SFXN4: variants seen among roughly 807,000 people sequenced by gnomAD.
SFXN4 encodes the protein sideroflexin-4.
In SFXN4, 48 loss-of-function variants were observed where a neutral mutation model predicts 54.6. The ratio of observed to expected loss-of-function variants is 0.88; its 90% CI spans 0.70 to 1.12. The LOEUF is 1.12. SFXN4 is among the 50% of genes most tolerant of loss of function. The probability of loss-of-function intolerance (pLI) is 0.00; values close to 1 mark genes in which losing one functional copy is unlikely to be tolerated. For synonymous variants in SFXN4, 130 were observed against 145.5 expected (o/e 0.89, Z 0.77); for missense variants, 383 against 409.2 (o/e 0.94, Z 0.55).
intron 13 of SFXN4, among the ~76,000 whole-genome samples, chr10:119,143,808 G>A (rs1256798316): frequency 6.6e-6 from 1 of 152,046 alleles, no homozygotes. Flanking sequence ...TAGAGACGAG[G>A]TCTCACTACA....
intron 5 of SFXN4, among the ~76,000 whole-genome samples, 197 bp downstream of exon 5, chr10:119,160,718 C>T (rs1034090765): frequency 6.6e-6 from 1 of 151,624 alleles, no homozygotes; most frequent in African/African-American, 2.4e-5. Context: ...GCCTCAGCCT[C>T]CTGAGTAACT....
intron 13 of SFXN4, among the ~76,000 whole-genome samples, chr10:119,141,883 T>G (rs1040106090): frequency 6.6e-6 from 1 of 152,036 alleles, no homozygotes; most frequent in Non-Finnish European, 1.5e-5. Flanking sequence ...CTGGGTGTGG[T>G]GGCACACACC....
intron 13 of SFXN4, 145 bp from the exon 14 acceptor site, chr10:119,141,464 ATTT>A (rs34287145): frequency 2.0e-3 from 634 of 322,664 alleles, no homozygotes; most frequent in East Asian, 2.9e-3. Context: ...AATGTAACCT[ATTT>A]TTTTTTTTAA....
intron 13 of SFXN4, among the ~76,000 whole-genome samples, chr10:119,142,243 A>G (rs1232596449): frequency 1.3e-5 from 2 of 152,028 alleles, no homozygotes; most frequent in Non-Finnish European, 2.9e-5. Flanking sequence ...AAGGAATGTA[A>G]TGAACTCACA....
chr10:119,162,512 G>T, intron 2 of SFXN4, 98 bp from the exon 3 acceptor site: 1 of 904,982 alleles, frequency 1.1e-6, no homozygotes, highest in Non-Finnish European at 1.8e-6. Context: ...GCATGCACTG[G>T]ACTTCGACTG....
At chr10:119,160,014 C>A (rs1238990213) in intron 5 of SFXN4, among the ~76,000 whole-genome samples, 1 of 151,712 alleles carries the variant, frequency 6.6e-6, no homozygotes, top group Non-Finnish European at 1.5e-5. Context: ...GAGACCCCCA[C>A]CTCCATAAAA....
intron 6 of SFXN4, 29 bp from the exon 7 acceptor site, chr10:119,158,091 C>T (rs1168416498): frequency 3.7e-6 from 6 of 1,608,186 alleles, no homozygotes; most frequent in Non-Finnish European, 5.1e-6. Context: ...AACAGAGTTA[C>T]AAGTGTTGCT....
intron 3 of SFXN4, among the ~76,000 whole-genome samples, chr10:119,161,490 C>T (rs948485303): frequency 1.3e-5 from 2 of 150,458 alleles, no homozygotes; most frequent in Non-Finnish European, 3.0e-5. Flanking sequence ...AATTTCTTTG[C>T]CTGTCTCATT....
At chr10:119,162,833 T>C (rs1847613537) in intron 2 of SFXN4, among the ~76,000 whole-genome samples, 1 of 152,220 alleles carries the variant, frequency 6.6e-6, no homozygotes, top group Admixed American at 6.6e-5. Flanking sequence ...TCTCACTCTG[T>C]TGCCCAGGCT....
In SFXN4 at chr10:119,154,953, C is replaced by T. The variant is rs773167558; in HGVS notation, c.732+109G>A. On this transcript the variant is annotated intron_variant, in intron 11 of 13. Coordinates refer to ENST00000355697, the MANE Select transcript of SFXN4 (RefSeq NM_213649.2). ...TCTCTCTCAGCATGCTAAGGAAAGA[C>T]GGGTAAAGAAAGGTTGAAGGCAGAC... 113 of 712,824 alleles carry T rather than the reference C, an allele frequency of 1.6e-4. No homozygotes were observed. In the Middle Eastern group the frequency reaches 2.6e-3, roughly 16 times the overall value. 44.2% of individuals were successfully genotyped at this position (712,824 alleles called of 1,614,324 possible).
intron 11 of SFXN4, among the ~76,000 whole-genome samples, chr10:119,150,519 T>A (rs1847022075): frequency 6.7e-6 from 1 of 148,746 alleles, no homozygotes; most frequent in African/African-American, 2.5e-5. Context: ...TCTACAAACT[T>A]TTTTTTTTTA....
In SFXN4 at chr10:119,159,639, G is replaced by T. The variant is rs547359763; in HGVS notation, c.360+89C>A. ...TCAGGCAGTCATGTGACAGGGGTCCGGAGCTGGAGGGACACAGCTGAGGTT... is the reference window on the plus strand; with the variant it reads ...TCAGGCAGTCATGTGACAGGGGTCCTGAGCTGGAGGGACACAGCTGAGGTT... On this transcript the variant is annotated intron_variant, in intron 6 of 13. Coordinates refer to ENST00000355697, the MANE Select transcript of SFXN4 (RefSeq NM_213649.2). 2.9e-6 allele frequency: 4 copies of T among 1,377,716 alleles called. No individual in the cohort carries two copies. In the South Asian group the frequency reaches 3.5e-5, roughly 12 times the overall value. 85.3% of individuals were successfully genotyped at this position (1,377,716 alleles called of 1,614,324 possible). A position where few individuals can be genotyped will look rare whatever the true frequency, so the allele number is the denominator to read the frequency against.
chr10:119,141,289 G>A lies in SFXN4; in HGVS notation c.967C>T (p.Gln323Ter), dbSNP rs1309261873. The change falls in exon 14 of 14, where the codon CAG (glutamine) becomes TAG (stop). Residue 323 changes from glutamine to a stop codon, truncating the protein, a stop_gained. Transcript: ENST00000355697. LOFTEE classifies it high-confidence loss of function. ...ATTTCTGTTTCTTCTGTTGGAGACT[G>A]AATTTTCTCTTCAAGACTACAGTAC... Reference protein sequence around the residue: ...IQYCSLEEKIQSPTEETEIFY... With the variant: ...IQYCSLEEKI 1 of 1,610,672 alleles carries A rather than the reference G, an allele frequency of 6.2e-7. No individual in the cohort carries two copies. The highest frequency in any genetic ancestry group is 8.5e-7 in the Non-Finnish European group (1 of 1,177,042).
chr10:119,165,532 C>A lies in SFXN4; in HGVS notation c.111+5G>T. The A allele has an allele frequency of 6.3e-7, 1 of 1,579,062 alleles. No individual in the cohort carries two copies. Among genetic ancestry groups the A allele is most frequent in the Non-Finnish European group, 8.6e-7 (1 of 1,167,310 alleles). On this transcript the variant is annotated splice_donor_5th_base_variant and intron_variant, in intron 1 of 13. Coordinates refer to ENST00000355697, the MANE Select transcript of SFXN4 (RefSeq NM_213649.2). ...GCCCCTAGTCGCGCCGGGCCCGGGC[C>A]GTACTTGGCGCTCGGTGATCCAGAA...
rs1554885844 is a variant in SFXN4 at position 119,146,463 on chromosome 10, A to ACG, written c.819-112_819-111dup. Reference sequence around the variant, plus strand: ...TGTGTGTGTGTGTGTGTGTGTGTGCACGTGTGTGTGTACCTGAACACCTGG... The same window carrying ACG: ...TGTGTGTGTGTGTGTGTGTGTGTGCACGCGTGTGTGTGTACCTGAACACCTGG... On this transcript the variant is annotated intron_variant, in intron 12 of 13. Transcript: ENST00000355697. The ACG allele has an allele frequency of 2.0e-4, 108 of 528,832 alleles. 1 individual carries two copies. Among genetic ancestry groups the ACG allele is most frequent in the South Asian group, 9.8e-4 (36 of 36,722 alleles). The allele number at this position is 528,832 out of a possible 1,614,324, so 32.8% of individuals were successfully genotyped here.
chr10:119,155,275 T>G (rs1847236355), intron 10 of SFXN4, 98 bp from the exon 11 acceptor site: 1 of 822,390 alleles, frequency 1.2e-6, no homozygotes, highest in Middle Eastern at 2.3e-4. Context: ...CAAGCCTCTT[T>G]CTCTGACAGC....
chr10:119,150,159 T>A (rs201359994), intron 11 of SFXN4, among the ~76,000 whole-genome samples: 1 of 146,680 alleles, frequency 6.8e-6, no homozygotes, highest in African/African-American at 2.5e-5. Flanking sequence ...TTTTTTTTTT[T>A]AAAGTAGACC....
rs1220789441 is a variant in SFXN4, at chr10:119,142,713, G to A, written c.937-1394C>T. ...CTACAGGCACCCGCCACCACGTCCA[G>A]CTAATGTTTTGAATTTTTTTTTTTT... On this transcript the variant is annotated intron_variant, in intron 13 of 13. Transcript: ENST00000355697. Among the ~76,000 whole-genome samples the A allele has an allele frequency of 4.2e-5, 6 of 143,008 alleles. No homozygotes were observed. The East Asian group carries it at 1.2e-3, about 30-fold the overall frequency. The allele number at this position is 143,008 out of a possible 152,430, so 93.8% of individuals were successfully genotyped here.
chr10:119,164,145 C>T lies in SFXN4; in HGVS notation c.163G>A (p.Val55Met), dbSNP rs1589652581. The change falls in exon 2 of 14, where the codon GTG (valine) becomes ATG (methionine). Residue 55 changes from valine to methionine, a missense_variant. Val to Met is a conservative substitution (Grantham distance 21, BLOSUM62 1). Transcript: ENST00000355697. ...ACAATACTTACAACTGAAATGAACA[C>T]ATTTGTAGGATCTAATAATTCTGTC... ...QWTELLDPTNVFISVESIENS... is the reference protein window; with the variant it reads ...QWTELLDPTNMFISVESIENS... The T allele has an allele frequency of 6.3e-7, 1 of 1,582,140 alleles. No homozygotes were observed. The highest frequency in any genetic ancestry group is 8.6e-7 in the Non-Finnish European group (1 of 1,161,712).
Sources: gnomAD v4.1 joint callset for allele counts (sites outside exome capture counted in the v4.1 genomes callset) on GRCh38, gnomAD v4.1.1 for gene constraint, MANE v1.5 for transcripts, NCBI Gene and HGNC (gene_info 2026-07-23, HGNC 2026-07-21) for gene names.